CSMD3: variants seen among roughly 807,000 people sequenced by gnomAD.
CSMD3 encodes CUB and Sushi multiple domains 3.
CSMD3 carries 177 observed loss-of-function variants against 435.2 expected under a neutral mutation model. The ratio of observed to expected loss-of-function variants is 0.41; its 90% CI spans 0.36 to 0.46. The LOEUF (loss-of-function observed/expected upper bound fraction) is 0.46, where lower values mean the gene tolerates loss of function less well. Among genes scored for constraint, CSMD3 ranks in the 20% least tolerant of loss-of-function variants. The probability of loss-of-function intolerance (pLI) is 0.34; values close to 1 mark genes in which losing one functional copy is unlikely to be tolerated. For synonymous variants in CSMD3, 1,656 were observed against 1,520.5 expected (o/e 1.09, Z -2.07); for missense variants, 4,265 against 4,504.6 (o/e 0.95, Z 1.52).
chr8:113,265,472 C>T (rs2093462135), intron 3 of CSMD3, among the ~76,000 whole-genome samples: 1 of 151,566 alleles, frequency 6.6e-6, no homozygotes, highest in African/African-American at 2.4e-5. Flanking sequence ...GTGTATGCTA[C>T]ACTAAGCTAA....
chr8:112,228,365 A>G (rs1483955475), intron 70 of CSMD3, among the ~76,000 whole-genome samples: 3 of 152,226 alleles, frequency 2.0e-5, no homozygotes, highest in Admixed American at 1.3e-4. Context: ...AGGTTTGGAC[A>G]CAAGCTCCTT....
chr8:112,656,327 A>T lies in CSMD3; in HGVS notation c.2831T>A (p.Leu944Gln), dbSNP rs1290874384. Residue 944 changes from leucine to glutamine, a missense_variant, in exon 18 of 71, where the codon CTG becomes CAG. Coordinates refer to ENST00000297405, the MANE Select transcript of CSMD3 (RefSeq NM_198123.2). ...KITFERFQTELNYDVLEVHDG... is the reference protein window; with the variant it reads ...KITFERFQTEQNYDVLEVHDG... ...ATGAACTTCCAGAACATCATAATTCAGTTCAGTCTGAAATCTAAGATTAAA... is the reference window on the plus strand; with the variant it reads ...ATGAACTTCCAGAACATCATAATTCTGTTCAGTCTGAAATCTAAGATTAAA... The T allele has an allele frequency of 6.8e-6, 11 of 1,612,138 alleles. No homozygotes were observed. The highest frequency in any genetic ancestry group is 9.3e-6 in the Non-Finnish European group (11 of 1,178,684).
chr8:112,306,214 CA>C (rs1821407052), intron 50 of CSMD3, 22 bp from the exon 51 acceptor site: 1 of 1,591,522 alleles, frequency 6.3e-7, no homozygotes. Context: ...TACACACAAG[CA>C]AAATCGTATA....
intron 12 of CSMD3, among the ~76,000 whole-genome samples, chr8:112,816,286 G>A (rs1323766116): frequency 1.3e-5 from 2 of 152,118 alleles, no homozygotes; most frequent in Non-Finnish European, 2.9e-5. Flanking sequence ...CTCAAGGGAT[G>A]AGTGTGTATG....
intron 24 of CSMD3, 71 bp from the exon 25 acceptor site, chr8:112,557,025 T>C (rs545657887): frequency 2.8e-5 from 26 of 932,678 alleles, no homozygotes; most frequent in Middle Eastern, 2.8e-4. Context: ...AAATCATTCC[T>C]TTCCTTTACT....
chr8:112,551,696 A>C (rs1350199571), intron 26 of CSMD3, among the ~76,000 whole-genome samples: 1 of 152,048 alleles, frequency 6.6e-6, no homozygotes, highest in Non-Finnish European at 1.5e-5. Flanking sequence ...AGTGTAGTCT[A>C]TTTTCAGTTT....
At chr8:113,131,326 CTGTT>C (rs2091278444) in intron 4 of CSMD3, among the ~76,000 whole-genome samples, 1 of 152,036 alleles carries the variant, frequency 6.6e-6, no homozygotes, top group East Asian at 1.9e-4. Context: ...GAAAAAATGG[CTGTT>C]TGAGCAAGGC....
intron 54 of CSMD3, among the ~76,000 whole-genome samples, chr8:112,293,110 G>T (rs1480136319): frequency 6.6e-6 from 1 of 151,964 alleles, no homozygotes; most frequent in Non-Finnish European, 1.5e-5. Context: ...AACAAAACTA[G>T]CCAGGTGTGG....
At chr8:113,256,505 A>G (rs751490058) in intron 3 of CSMD3, among the ~76,000 whole-genome samples, 2 of 152,196 alleles carry the variant, frequency 1.3e-5, no homozygotes, top group Non-Finnish European at 2.9e-5. Context: ...AGGAAAAGTT[A>G]TAACTGAGTT....
intron 10 of CSMD3, among the ~76,000 whole-genome samples, chr8:112,872,381 C>T (rs949073619): frequency 6.6e-6 from 1 of 151,958 alleles, no homozygotes; most frequent in Non-Finnish European, 1.5e-5. Flanking sequence ...TAATGAAATG[C>T]ACCCGAAGTA....
rs1015239913 is a variant in CSMD3, at chr8:112,223,766, A to G, written c.*1005T>C. 2.0e-5 allele frequency: 3 copies of G among 152,188 alleles called. No homozygotes were observed. Among genetic ancestry groups the G allele is most frequent in the Admixed American group, 6.5e-5 (1 of 15,272 alleles). The allele number at this position is 152,188 out of a possible 1,614,324, so 9.4% of individuals were successfully genotyped here. A position where few individuals can be genotyped will look rare whatever the true frequency, so the allele number is the denominator to read the frequency against. On this transcript the variant is annotated 3_prime_UTR_variant, in exon 71 of 71. Coordinates refer to ENST00000297405, the MANE Select transcript of CSMD3 (RefSeq NM_198123.2). ...AAATGAAAATTAAAAGTGTCAAAAT[A>G]ATGCTAAATTTGAAGACTCAGCTGG...
intron 13 of CSMD3, among the ~76,000 whole-genome samples, chr8:112,756,020 T>C (rs1315048581): frequency 6.6e-6 from 1 of 152,026 alleles, no homozygotes; most frequent in Non-Finnish European, 1.5e-5. Flanking sequence ...GTGCTACATA[T>C]CCTGGTGGAA....
intron 13 of CSMD3, among the ~76,000 whole-genome samples, chr8:112,713,172 A>T (rs903273409): frequency 1.3e-5 from 2 of 152,076 alleles, no homozygotes; most frequent in African/African-American, 2.4e-5. Flanking sequence ...CCCCTTAGCC[A>T]AGGGAGGCAG....
chr8:112,310,999 C>T lies in CSMD3; in HGVS notation c.7864G>A (p.Ala2622Thr), dbSNP rs2130812769. ...KSSYGYHAWD[A>T]PVPACQAISC... ...TCACCTTGACAGGCAGGGACTGGCG[C>T]ATCCCATGCATGATACCCATAGGAA... Residue 2622 changes from alanine to threonine, a missense_variant, in exon 50 of 71, where the codon GCG (alanine) becomes ACG (threonine). Around this residue, in one of 3 missense-constraint regions of CSMD3, gnomAD observed 3,255 missense variants for 3,380.2 expected, o/e 0.96. Coordinates refer to ENST00000297405, the MANE Select transcript of CSMD3 (RefSeq NM_198123.2). 2.5e-6 allele frequency: 4 copies of T among 1,614,012 alleles called. No homozygotes were observed. The highest frequency in any genetic ancestry group is 3.4e-6 in the Non-Finnish European group (4 of 1,179,946).
chr8:112,457,963 GA>G (rs1464709113), intron 32 of CSMD3, among the ~76,000 whole-genome samples: 2 of 151,930 alleles, frequency 1.3e-5, no homozygotes, highest in Non-Finnish European at 2.9e-5. Flanking sequence ...AAGAAACATA[GA>G]AAATGTCCTC....
intron 10 of CSMD3, among the ~76,000 whole-genome samples, chr8:112,869,201 T>G (rs1300215446): frequency 6.6e-6 from 1 of 152,180 alleles, no homozygotes; most frequent in Non-Finnish European, 1.5e-5. Flanking sequence ...TTATTTTGTA[T>G]TCCAACCTAC....
chr8:112,317,536 G>A (rs748822523), intron 47 of CSMD3, among the ~76,000 whole-genome samples: 33 of 151,822 alleles, frequency 2.2e-4, no homozygotes, highest in Non-Finnish European at 8.8e-5. Flanking sequence ...ACATGAAACC[G>A]ACATAATCCT....
At chr8:112,671,801 T>C (rs2075662551) in intron 16 of CSMD3, among the ~76,000 whole-genome samples, 1 of 152,100 alleles carries the variant, frequency 6.6e-6, no homozygotes, top group Non-Finnish European at 1.5e-5. Context: ...ATACTCTCTT[T>C]ACCATTGGTT....
chr8:112,680,130 G>A (rs959970100), intron 16 of CSMD3, among the ~76,000 whole-genome samples: 14 of 152,146 alleles, frequency 9.2e-5, no homozygotes, highest in Admixed American at 8.5e-4. Context: ...CGAGGCAGGC[G>A]GATGACCTGA....
Sources: gnomAD v4.1 joint callset for allele counts (sites outside exome capture counted in the v4.1 genomes callset) on GRCh38, gnomAD v4.1.1 for gene constraint, gnomAD v4.1.1 regional missense constraint, MANE v1.5 for transcripts, NCBI Gene and HGNC (gene_info 2026-07-23, HGNC 2026-07-21) for gene names.